Variants in ZFHX3 observed in about 807,000 individuals in gnomAD.
ZFHX3 encodes the protein zinc finger homeobox protein 3.
Under a neutral mutation model 279.1 loss-of-function variants are expected in ZFHX3, and 42 were observed. That is an observed-to-expected ratio of 0.15 (90% confidence interval 0.12 to 0.19). The LOEUF is 0.19. Ranked by LOEUF, ZFHX3 falls within the 10% of genes least tolerant of loss-of-function variation. ZFHX3 has a pLI of 1.00. For synonymous variants in ZFHX3, 2,293 were observed against 1,957.8 expected, an observed-to-expected ratio of 1.17 and a Z score of -4.52; for missense variants, 4,981 against 4,754.0, an observed-to-expected ratio of 1.05 and a Z score of -1.40.
At chr16:73,132,764 G>C (rs151207293) in intron 6 of ZFHX3, among the ~76,000 whole-genome samples, 1 of 152,164 alleles carries the variant, frequency 6.6e-6, no homozygotes, top group Non-Finnish European at 1.5e-5. Context: ...TTGATTAATC[G>C]TGTCACAGTC....
intron 4 of ZFHX3, among the ~76,000 whole-genome samples, chr16:72,869,345 C>G (rs1227421861): frequency 6.6e-6 from 1 of 151,892 alleles, no homozygotes; most frequent in African/African-American, 2.4e-5. Context: ...ACCAGAGGCT[C>G]AGTTATAGCA....
intron 2 of ZFHX3, among the ~76,000 whole-genome samples, chr16:73,636,045 C>A (rs940094469): frequency 2.0e-5 from 3 of 152,204 alleles, no homozygotes; most frequent in Admixed American, 2.0e-4. Flanking sequence ...GCTCCTCACC[C>A]TGTTTGATCT....
intron 2 of ZFHX3, among the ~76,000 whole-genome samples, chr16:73,647,366 G>A (rs2052629041): frequency 6.6e-6 from 1 of 152,176 alleles, no homozygotes; most frequent in South Asian, 2.1e-4. Flanking sequence ...GCAGGGGTGT[G>A]GTGAGAGGTG....
intron 7 of ZFHX3, among the ~76,000 whole-genome samples, chr16:72,804,990 A>AT (rs2036218603): frequency 6.6e-6 from 1 of 151,666 alleles, no homozygotes; most frequent in South Asian, 2.1e-4. Flanking sequence ...TTATTTATTT[A>AT]TTTTTCAGAG....
chr16:73,113,266 C>CA (rs1567391876), intron 7 of ZFHX3, among the ~76,000 whole-genome samples: 1 of 151,920 alleles, frequency 6.6e-6, no homozygotes, highest in African/African-American at 2.4e-5. Flanking sequence ...AGGAAGGAGA[C>CA]ATTATATATT....
At chr16:73,465,237 T>G (rs975127587) in intron 2 of ZFHX3, among the ~76,000 whole-genome samples, 11 of 152,188 alleles carry the variant, frequency 7.2e-5, no homozygotes, top group African/African-American at 2.7e-4. Context: ...AGAGGACAGC[T>G]CAAAACACAG....
rs528628182 is a variant in ZFHX3, at chr16:73,478,331, C to A, written c.-1546-22073G>T. On this transcript the variant is annotated intron_variant, in intron 2 of 17. Coordinates refer to the ZFHX3 transcript ENST00000641206. ...GCCATATGACATGCCTGAACAGGGACTTGAACCCTGGACCCTCAGATTAAA... is the reference window on the plus strand; with the variant it reads ...GCCATATGACATGCCTGAACAGGGAATTGAACCCTGGACCCTCAGATTAAA... Among the ~76,000 whole-genome samples, 9 of 150,918 alleles carry A rather than the reference C, an allele frequency of 6.0e-5. No individual in the cohort carries two copies. The South Asian group carries it at 1.9e-3, about 32-fold the overall frequency.
At chr16:73,862,303 G>C (rs1961902265) in intron 1 of ZFHX3, among the ~76,000 whole-genome samples, 1 of 152,232 alleles carries the variant, frequency 6.6e-6, no homozygotes, top group Non-Finnish European at 1.5e-5. Context: ...GTCCCCTTTG[G>C]TTTCAACTAC....
chr16:73,848,839 T>A (rs1276280783), intron 1 of ZFHX3, among the ~76,000 whole-genome samples: 1 of 152,240 alleles, frequency 6.6e-6, no homozygotes, highest in Non-Finnish European at 1.5e-5. Context: ...AGCTTCTGTC[T>A]CTTCTCAAGT....
At chr16:72,944,512 T>A (rs895002280) in intron 3 of ZFHX3, among the ~76,000 whole-genome samples, 1 of 152,154 alleles carries the variant, frequency 6.6e-6, no homozygotes, top group Non-Finnish European at 1.5e-5. Context: ...GGAAAATACT[T>A]AAAGATGTAA....
At chr16:73,265,266 C>A (rs1424445270) in intron 4 of ZFHX3, among the ~76,000 whole-genome samples, 1 of 152,036 alleles carries the variant, frequency 6.6e-6, no homozygotes, top group East Asian at 1.9e-4. Flanking sequence ...AGGGCGGAAT[C>A]GGCTGGGGAT....
chr16:73,322,316 C>T (rs1483025307), intron 3 of ZFHX3, among the ~76,000 whole-genome samples: 7 of 151,898 alleles, frequency 4.6e-5, no homozygotes, highest in Middle Eastern at 3.4e-3. Context: ...ACTTTTCACA[C>T]GTTTAATGGC....
intron 2 of ZFHX3, among the ~76,000 whole-genome samples, chr16:73,492,755 G>A (rs1259072488): frequency 6.6e-6 from 1 of 152,084 alleles, no homozygotes; most frequent in East Asian, 1.9e-4. Flanking sequence ...TGCTTCTAAA[G>A]TCACCCTTAA....
At chr16:73,309,710 T>TA (rs1419800798) in intron 4 of ZFHX3, among the ~76,000 whole-genome samples, 1 of 152,088 alleles carries the variant, frequency 6.6e-6, no homozygotes, top group Non-Finnish European at 1.5e-5. Context: ...CTCAGGAACT[T>TA]AGAGAAGAGA....
rs75294258 is a variant in ZFHX3 at position 72,893,726 on chromosome 16, A to C, written c.3217-3764T>G. Among the ~76,000 whole-genome samples the C allele has an allele frequency of 6.0e-3, 915 of 152,370 alleles. 23 individuals are homozygous for C. The highest frequency in any genetic ancestry group is 0.056 in the East Asian group (293 of 5,192). The stretch of plus-strand genomic sequence containing the variant: ...AGAATAAGAGGAAACAAGAAAATGA[A>C]GCCACGGCTGCTCCCACCTAACCTG... On this transcript the variant is annotated intron_variant, in intron 3 of 9. Transcript: ENST00000268489.
intron 1 of ZFHX3, among the ~76,000 whole-genome samples, chr16:73,056,190 C>A (rs1965553034): frequency 6.6e-6 from 1 of 152,164 alleles, no homozygotes; most frequent in South Asian, 2.1e-4. Flanking sequence ...CCTCTTCGTA[C>A]ACCATTTGCT....
chr16:73,498,206 C>T (rs1214777669), intron 2 of ZFHX3, among the ~76,000 whole-genome samples: 1 of 152,104 alleles, frequency 6.6e-6, no homozygotes, highest in Non-Finnish European at 1.5e-5. Context: ...TTTTGAAGAC[C>T]ATAGATGAAA....
chr16:72,892,354 T>A (rs1420693682), intron 3 of ZFHX3, among the ~76,000 whole-genome samples: 1 of 152,232 alleles, frequency 6.6e-6, no homozygotes, highest in Admixed American at 6.5e-5. Flanking sequence ...CACACTCATA[T>A]GCAGCACCTT....
chr16:72,980,511 CA>C (rs1002899545), intron 1 of ZFHX3, among the ~76,000 whole-genome samples: 2 of 151,796 alleles, frequency 1.3e-5, no homozygotes, highest in African/African-American at 4.8e-5. Flanking sequence ...CAAGTATCAG[CA>C]CTTTGGGAGG....
Sources: allele counts gnomAD v4.1 joint callset (sites outside exome capture counted in the v4.1 genomes callset), GRCh38; gene constraint gnomAD v4.1.1; transcripts MANE v1.5; gene names NCBI Gene and HGNC (gene_info 2026-07-23, HGNC 2026-07-21).